DCC: variants seen among roughly 807,000 people sequenced by gnomAD.
DCC encodes the protein netrin receptor DCC.
DCC carries 58 observed loss-of-function variants against 172.5 expected under a neutral mutation model. The ratio of observed to expected loss-of-function variants is 0.34; its 90% confidence interval spans 0.27 to 0.42. The LOEUF is 0.42. Among genes scored for constraint, DCC ranks in the 10% least tolerant of loss-of-function variants. DCC has a pLI of 1.00. For synonymous variants in DCC, 709 were observed against 644.5 expected (o/e 1.10, Z -1.52); for missense variants, 1,740 against 1,791.0 (o/e 0.97, Z 0.51).
intron 2 of DCC, among the ~76,000 whole-genome samples, chr18:52,850,832 T>A (rs2038964400): frequency 6.6e-6 from 1 of 151,304 alleles, no homozygotes; most frequent in South Asian, 2.1e-4. Context: ...TTTTATTTTA[T>A]GTGTTATTGA....
chr18:53,429,391 T>G (rs1421660784), intron 21 of DCC, among the ~76,000 whole-genome samples: 1 of 133,468 alleles, frequency 7.5e-6, no homozygotes, highest in Non-Finnish European at 1.7e-5. Flanking sequence ...ACCCACAGTT[T>G]CTATTTTGTA....
At position 52,923,825 on chromosome 18, in the gene DCC, C is replaced by A. The variant is rs375181330; in HGVS notation, c.816C>A (p.Thr272=). 3.1e-6 allele frequency: 5 copies of A among 1,613,164 alleles called. No individual in the cohort carries two copies. The highest frequency in any genetic ancestry group is 4.2e-6 in the Non-Finnish European group (5 of 1,179,506). ...CTGGCTATCCTCCACCAAGTTTTAC[C>A]TGGTTACGAGGCGAGGAAGTCATCC... ...CVSGYPPPSF[T]WLRGEEVIQL... is the part of the protein sequence containing the mutation. The change falls in exon 4 of 29, where the codon ACC becomes ACA. Residue 272 remains threonine, a synonymous_variant. Transcript: ENST00000442544.
At chr18:53,272,836 C>T (rs936491355) in intron 12 of DCC, among the ~76,000 whole-genome samples, 5 of 152,040 alleles carry the variant, frequency 3.3e-5, no homozygotes, top group South Asian at 2.1e-4. Flanking sequence ...TTGATTGTTT[C>T]GGAAAAAGCT....
At chr18:53,429,356 T>C (rs960749145) in intron 21 of DCC, among the ~76,000 whole-genome samples, 2 of 151,420 alleles carry the variant, frequency 1.3e-5, no homozygotes, top group Non-Finnish European at 2.9e-5. Flanking sequence ...GATAAGAAAT[T>C]AATTTGTTTA....
intron 1 of DCC, among the ~76,000 whole-genome samples, chr18:52,497,118 G>A (rs1056670595): frequency 4.6e-5 from 7 of 150,766 alleles, no homozygotes; most frequent in African/African-American, 1.2e-4. Context: ...ATAATTAGCC[G>A]GGCCTGGTGG....
Position 53,339,921 on chromosome 18 carries a change from AT to A in DCC, c.2359+22del, listed in dbSNP as rs112984485. 4 of 1,603,984 alleles carry A rather than the reference AT, an allele frequency of 2.5e-6. No homozygotes were observed. The highest frequency in any genetic ancestry group is 1.4e-5 in the African/African-American group (1 of 73,868). On this transcript the variant is annotated intron_variant, in intron 15 of 28. Transcript: ENST00000442544. ...TTGAGAGGTTAGGTGAGTATCTGTG[AT>A]TTTTTTTATTCTATTAAGGGGAATT...
chr18:52,562,227 T>C (rs1255008943), intron 1 of DCC, among the ~76,000 whole-genome samples: 1 of 152,190 alleles, frequency 6.6e-6, no homozygotes, highest in African/African-American at 2.4e-5. Flanking sequence ...GGATTTTACC[T>C]TGGCCCTAAA....
chr18:52,600,161 C>A (rs76247060), intron 1 of DCC, among the ~76,000 whole-genome samples: 3 of 152,202 alleles, frequency 2.0e-5, no homozygotes, highest in Non-Finnish European at 4.4e-5. Flanking sequence ...GGCTCTCAGT[C>A]GACCTGGAAT....
intron 1 of DCC, among the ~76,000 whole-genome samples, chr18:52,391,199 A>T (rs1188383489): frequency 6.6e-6 from 1 of 152,116 alleles, no homozygotes; most frequent in Non-Finnish European, 1.5e-5. Flanking sequence ...AAGAGGCAGG[A>T]TCAATTTGGA....
intron 1 of DCC, among the ~76,000 whole-genome samples, chr18:52,600,988 A>G (rs1296610373): frequency 6.6e-6 from 1 of 152,160 alleles, no homozygotes; most frequent in Admixed American, 6.5e-5. Flanking sequence ...GTAGATGAAA[A>G]TTAATGCAGT....
At chr18:52,839,774 A>G (rs2145314874) in intron 2 of DCC, among the ~76,000 whole-genome samples, 1 of 152,234 alleles carries the variant, frequency 6.6e-6, no homozygotes, top group South Asian at 2.1e-4. Flanking sequence ...AGTACCTGTG[A>G]TGGTGTGGAT....
At chr18:52,853,533 T>C (rs1326781777) in intron 2 of DCC, among the ~76,000 whole-genome samples, 1 of 152,160 alleles carries the variant, frequency 6.6e-6, no homozygotes, top group African/African-American at 2.4e-5. Context: ...ACCAAATAGA[T>C]GGATTTAATC....
intron 1 of DCC, among the ~76,000 whole-genome samples, chr18:52,480,838 A>G (rs2029929024): frequency 6.6e-6 from 1 of 152,098 alleles, no homozygotes; most frequent in South Asian, 2.1e-4. Context: ...AGATTTGAAT[A>G]TACCCCCCAA....
intron 2 of DCC, among the ~76,000 whole-genome samples, chr18:52,847,698 C>G (rs1016931589): frequency 6.6e-6 from 1 of 152,146 alleles, no homozygotes; most frequent in Non-Finnish European, 1.5e-5. Flanking sequence ...CTTGATACAT[C>G]CTCTGACTAT....
chr18:52,992,395 C>A (rs1432843677), intron 5 of DCC, among the ~76,000 whole-genome samples: 1 of 152,176 alleles, frequency 6.6e-6, no homozygotes, highest in Non-Finnish European at 1.5e-5. Context: ...AGTGCTCAAG[C>A]AGTTTCTGTA....
chr18:52,350,258 G>A (rs1184644157), intron 1 of DCC, among the ~76,000 whole-genome samples: 2 of 152,194 alleles, frequency 1.3e-5, no homozygotes, highest in African/African-American at 4.8e-5. Flanking sequence ...GTAGAACAAA[G>A]TACTCACCGA....
At chr18:52,773,267 T>C (rs548862250) in intron 2 of DCC, among the ~76,000 whole-genome samples, 43 of 152,318 alleles carry the variant, frequency 2.8e-4, no homozygotes, top group Admixed American at 2.6e-3. Context: ...CTCTTAATGG[T>C]GAAGATTTTT....
At position 52,665,829 on chromosome 18, in the gene DCC, A is replaced by G. The variant is rs529339236; in HGVS notation, c.92-86225A>G. The stretch of plus-strand genomic sequence containing the variant: ...TTTTTCTCTGCCTATGAAACTGACA[A>G]TTTTTTTAGGATGCCTGAATTATCA... On this transcript the variant is annotated intron_variant, in intron 1 of 28. Coordinates refer to ENST00000442544, the MANE Select transcript of DCC (RefSeq NM_005215.4). Among the ~76,000 whole-genome samples, 14 of 152,246 alleles carry G rather than the reference A, an allele frequency of 9.2e-5. No homozygotes were observed. The South Asian group carries it at 2.9e-3, about 32-fold the overall frequency.
At chr18:52,705,966 T>A (rs2036203012) in intron 1 of DCC, among the ~76,000 whole-genome samples, 1 of 152,206 alleles carries the variant, frequency 6.6e-6, no homozygotes, top group Non-Finnish European at 1.5e-5. Flanking sequence ...TAACAAAGAA[T>A]GTAGGTCACC....
Sources: gnomAD v4.1 joint callset for allele counts (sites outside exome capture counted in the v4.1 genomes callset) on GRCh38, gnomAD v4.1.1 for gene constraint, MANE v1.5 for transcripts, NCBI Gene and HGNC (gene_info 2026-07-23, HGNC 2026-07-21) for gene names.